Variants in SEMA3F observed in about 807,000 individuals in gnomAD.
SEMA3F encodes semaphorin-3F.
In SEMA3F, 30 loss-of-function variants were observed where a neutral mutation model predicts 98.5. The ratio of observed to expected loss-of-function variants is 0.30; its 90% CI spans 0.23 to 0.41. SEMA3F has a LOEUF of 0.41. SEMA3F is among the 10% of genes least tolerant of loss of function. The probability of loss-of-function intolerance (pLI) is 1.00; values close to 1 mark genes in which losing one functional copy is unlikely to be tolerated. For missense variants in SEMA3F, 866 were observed against 1,119.3 expected, an observed-to-expected ratio of 0.77 and a Z score of 3.23; for synonymous variants, 380 against 444.8, an observed-to-expected ratio of 0.85 and a Z score of 1.83.
intron 2 of SEMA3F, among the ~76,000 whole-genome samples, chr3:50,161,237 C>T (rs1165931690): frequency 6.6e-6 from 1 of 152,164 alleles, no homozygotes; most frequent in Non-Finnish European, 1.5e-5. Flanking sequence ...TGCAAGTAAG[C>T]AGGAGGGGCA....
At chr3:50,178,709 G>A (rs1486700649) in intron 7 of SEMA3F, among the ~76,000 whole-genome samples, 3 of 148,790 alleles carry the variant, frequency 2.0e-5, no homozygotes, top group East Asian at 4.0e-4. Context: ...GCAACTGAGC[G>A]AGACTCTGGC....
chr3:50,161,644 C>T (rs1318823745), intron 2 of SEMA3F, among the ~76,000 whole-genome samples: 1 of 152,230 alleles, frequency 6.6e-6, no homozygotes, highest in East Asian at 1.9e-4. Flanking sequence ...CCGACCTGGT[C>T]TCGTGTCCTA....
intron 1 of SEMA3F, among the ~76,000 whole-genome samples, chr3:50,157,294 G>GCTC (rs1429178612): frequency 6.6e-6 from 1 of 151,898 alleles, no homozygotes. Context: ...GCCAGCCCCG[G>GCTC]CTCCTCGTTT....
In SEMA3F at chr3:50,173,847, A is replaced by C. The variant is rs1211509060; in HGVS notation, c.167A>C (p.Asp56Ala). The C allele has an allele frequency of 1.2e-6, 2 of 1,613,942 alleles. No individual in the cohort carries two copies. The highest frequency in any genetic ancestry group is 1.7e-6 in the Non-Finnish European group (2 of 1,180,004). ...TTCAACTTCCTGCTCAACACAACCG[A>C]CTACCGAATCTTGCTCAAGGACGAG... Reference protein sequence around the residue: ...HFFNFLLNTTDYRILLKDEDH... With the variant: ...HFFNFLLNTTAYRILLKDEDH... The change falls in exon 3 of 19, where the codon GAC becomes GCC. Residue 56 changes from aspartate (D) to alanine (A), a missense_variant. Around this residue, in one of 3 missense-constraint regions of SEMA3F, gnomAD observed 247 missense variants for 276.0 expected, o/e 0.89. Transcript: ENST00000002829.
At chr3:50,172,802 C>G (rs1698663713) in intron 2 of SEMA3F, among the ~76,000 whole-genome samples, 1 of 152,160 alleles carries the variant, frequency 6.6e-6, no homozygotes, top group South Asian at 2.1e-4. Context: ...TGCCCTCTGC[C>G]TGGTGGGCAG....
At chr3:50,174,467 G>A (rs953801573) in intron 5 of SEMA3F, 117 bp downstream of exon 5, 9 of 1,269,840 alleles carry the variant, frequency 7.1e-6, no homozygotes, top group Non-Finnish European at 9.8e-6. Context: ...TTGACCTTGG[G>A]TGAGTGACTT....
chr3:50,188,083 C>T lies in SEMA3F; in HGVS notation c.2326C>T (p.Arg776Trp), dbSNP rs1423032225. ...SPEPQDQKKP[R>W]NRRHHPPDT ...TGAGCCCCAGGACCAGAAAAAGCCCCGGAACCGCCGGCACCACCCTCCGGA... is the reference window on the plus strand; with the variant it reads ...TGAGCCCCAGGACCAGAAAAAGCCCTGGAACCGCCGGCACCACCCTCCGGA... Residue 776 changes from arginine (R) to tryptophan (W), a missense_variant, in exon 19 of 19, where the codon CGG (arginine) becomes TGG (tryptophan). Arg to Trp is a moderately radical substitution (Grantham distance 101, BLOSUM62 -3). Around this residue, in one of 3 missense-constraint regions of SEMA3F, gnomAD observed 245 missense variants for 260.5 expected, o/e 0.94. Coordinates refer to ENST00000002829, the MANE Select transcript of SEMA3F (RefSeq NM_004186.5). The surrounding 1 kb of genome is among the most constrained non-coding windows in gnomAD (Gnocchi z 4.5). The T allele has an allele frequency of 5.2e-6, 8 of 1,543,170 alleles. No homozygotes were observed. The highest frequency in any genetic ancestry group is 4.1e-5 in the African/African-American group (3 of 72,780).
chr3:50,188,146 C>A lies in SEMA3F; in HGVS notation c.*31C>A. 1.5e-6 allele frequency: 2 copies of A among 1,350,508 alleles called. No individual in the cohort carries two copies. Among genetic ancestry groups the A allele is most frequent in the Non-Finnish European group, 1.9e-6 (2 of 1,037,420 alleles). 83.7% of individuals were successfully genotyped at this position (1,350,508 alleles called of 1,614,324 possible). A position where few individuals can be genotyped will look rare whatever the true frequency, so the allele number is the denominator to read the frequency against. On this transcript the variant is annotated 3_prime_UTR_variant, in exon 19 of 19. Coordinates refer to ENST00000002829, the MANE Select transcript of SEMA3F (RefSeq NM_004186.5). The surrounding 1 kb of genome is among the most constrained non-coding windows in gnomAD (Gnocchi z 4.5). ...GCTGCCTGTGCCTGCCATGGGCCAGCCTAGCCCTTGTCCCTTTTAATATAA... is the reference window on the plus strand; with the variant it reads ...GCTGCCTGTGCCTGCCATGGGCCAGACTAGCCCTTGTCCCTTTTAATATAA...
chr3:50,170,973 C>G (rs3774750), intron 2 of SEMA3F, among the ~76,000 whole-genome samples: 65,129 of 152,056 alleles, frequency 0.43, 14,531 homozygotes, highest in South Asian at 0.69. Flanking sequence ...TCTCTACCAC[C>G]AGGACTGGCT....
chr3:50,158,164 A>C lies in SEMA3F; in HGVS notation c.-48-1411A>C, dbSNP rs891072290. Among the ~76,000 whole-genome samples the C allele has an allele frequency of 6.6e-6, 1 of 152,222 alleles. No individual in the cohort carries two copies. Among genetic ancestry groups the C allele is most frequent in the East Asian group, 1.9e-4 (1 of 5,200 alleles). ...ACTTCTCAGAGCCTGCCATTCAGTC[A>C]GCACTAGCTTTGTGCCTCCCAGACC... On this transcript the variant is annotated intron_variant, in intron 1 of 18. Coordinates refer to ENST00000002829, the MANE Select transcript of SEMA3F (RefSeq NM_004186.5). The surrounding 1 kb of genome is among the most constrained non-coding windows in gnomAD (Gnocchi z 4.8).
At chr3:50,176,051 G>A (rs1698796221) in intron 6 of SEMA3F, among the ~76,000 whole-genome samples, 1 of 151,782 alleles carries the variant, frequency 6.6e-6, no homozygotes, top group Admixed American at 6.6e-5. Context: ...GCTCACCCCT[G>A]TCCCAGTGCC....
intron 15 of SEMA3F, 60 bp from the exon 16 acceptor site, chr3:50,185,829 T>C (rs1559739311): frequency 1.1e-5 from 18 of 1,605,008 alleles, no homozygotes; most frequent in Non-Finnish European, 1.5e-5. Flanking sequence ...CCAGCCTAGC[T>C]GGCTGTTGGT....
chr3:50,162,389 A>C (rs1698239731), intron 2 of SEMA3F, among the ~76,000 whole-genome samples: 1 of 152,224 alleles, frequency 6.6e-6, no homozygotes, highest in South Asian at 2.1e-4. Context: ...TCTGGGCTTC[A>C]GCAGCACAGC....
At chr3:50,183,291 T>C in intron 11 of SEMA3F, 36 bp downstream of exon 11, 1 of 1,609,586 alleles carries the variant, frequency 6.2e-7, no homozygotes, top group South Asian at 1.1e-5. Context: ...TGGCAGGGAG[T>C]GGCCCCGTTG....
chr3:50,173,560 T>A lies in SEMA3F; in HGVS notation c.113-233T>A, dbSNP rs929883494. ...AGGAGGCTGAGACAGGAGAATCGCT[T>A]GAACCCAGCAGATGGAGGTTGCAGT... On this transcript the variant is annotated intron_variant, in intron 2 of 18. Coordinates refer to ENST00000002829, the MANE Select transcript of SEMA3F (RefSeq NM_004186.5). The A allele has an allele frequency of 5.0e-5, 27 of 537,402 alleles. No individual in the cohort carries two copies. In the Admixed American group the frequency reaches 8.1e-4, roughly 16 times the overall value. 33.3% of individuals were successfully genotyped at this position (537,402 alleles called of 1,614,324 possible).
At chr3:50,184,358 G>A (rs1470822065) in intron 12 of SEMA3F, 9 of 572,550 alleles carry the variant, frequency 1.6e-5, no homozygotes, top group East Asian at 2.9e-5. Context: ...ATGCTGCCAC[G>A]AGGTCATGGC....
Position 50,188,226 on chromosome 3 carries a change from G to T in SEMA3F, c.*111G>T. 1 of 383,158 alleles carries T rather than the reference G, an allele frequency of 2.6e-6. No individual in the cohort carries two copies. The highest frequency in any genetic ancestry group is 4.0e-6 in the Non-Finnish European group (1 of 251,226). 23.7% of individuals were successfully genotyped at this position (383,158 alleles called of 1,614,324 possible). A position where few individuals can be genotyped will look rare whatever the true frequency, so the allele number is the denominator to read the frequency against. On this transcript the variant is annotated 3_prime_UTR_variant, in exon 19 of 19. Transcript: ENST00000002829. This position sits in a 1 kb window ranked among gnomAD's most constrained non-coding sequence, Gnocchi z 4.5. ...AATATCTATATTCTATACACACCCT[G>T]CCCCTGCAAAGACAGTATTTATTGG...
At chr3:50,172,974 C>T (rs1698669123) in intron 2 of SEMA3F, among the ~76,000 whole-genome samples, 1 of 152,214 alleles carries the variant, frequency 6.6e-6, no homozygotes, top group South Asian at 2.1e-4. Context: ...AGCAAAAACT[C>T]TTTGATGCTG....
At chr3:50,162,638 C>T (rs1161677912) in intron 2 of SEMA3F, among the ~76,000 whole-genome samples, 1 of 152,214 alleles carries the variant, frequency 6.6e-6, no homozygotes, top group Admixed American at 6.5e-5. Flanking sequence ...CACCACCTCC[C>T]TCCGTGGCAG....
Sources: allele counts gnomAD v4.1 joint callset (sites outside exome capture counted in the v4.1 genomes callset), GRCh38; gene constraint gnomAD v4.1.1; regional missense constraint gnomAD v4.1.1; non-coding constraint Gnocchi (gnomAD v3.1); transcripts MANE v1.5; gene names NCBI Gene and HGNC (gene_info 2026-07-23, HGNC 2026-07-21).